GALNT14: variants seen among roughly 807,000 people sequenced by gnomAD.
GALNT14 encodes polypeptide N-acetylgalactosaminyltransferase 14.
A neutral mutation model predicts 77.5 loss-of-function variants in GALNT14; 60 were observed. The observed-to-expected ratio is 0.77, with a 90% CI of 0.63 to 0.96. The LOEUF (loss-of-function observed/expected upper bound fraction) is 0.96. GALNT14 is among the 40% of genes least tolerant of loss of function. GALNT14 has a pLI of 0.00. For missense variants in GALNT14, 710 were observed against 731.0 expected, an observed-to-expected ratio of 0.97 and a Z score of 0.33; for synonymous variants, 280 against 281.7, an observed-to-expected ratio of 0.99 and a Z score of 0.06.
chr2:31,120,910 T>A (rs940737330), intron 1 of GALNT14, among the ~76,000 whole-genome samples: 1 of 152,238 alleles, frequency 6.6e-6, no homozygotes, highest in Non-Finnish European at 1.5e-5. Context: ...ATGAGTATAT[T>A]TCCATGTCCA....
intron 6 of GALNT14, 29 bp from the exon 7 acceptor site, chr2:30,945,899 T>C: frequency 6.3e-7 from 1 of 1,598,252 alleles, no homozygotes; most frequent in Non-Finnish European, 8.6e-7. Context: ...GCACTTAGCT[T>C]ATGGAGAGGA....
chr2:30,990,782 A>G (rs1016810659), intron 2 of GALNT14, among the ~76,000 whole-genome samples: 1 of 152,198 alleles, frequency 6.6e-6, no homozygotes, highest in African/African-American at 2.4e-5. Flanking sequence ...TCTCTGAGTA[A>G]CACAATCCCA....
intron 1 of GALNT14, among the ~76,000 whole-genome samples, chr2:31,061,545 A>G (rs1674591528): frequency 6.6e-6 from 1 of 152,106 alleles, no homozygotes; most frequent in South Asian, 2.1e-4. Context: ...AAATTTCCTA[A>G]AACTGAACAA....
intron 1 of GALNT14, among the ~76,000 whole-genome samples, chr2:31,087,849 C>T (rs1676526827): frequency 6.6e-6 from 1 of 152,196 alleles, no homozygotes. Flanking sequence ...TTTGAAGGTA[C>T]AGCCTCTGGG....
intron 1 of GALNT14, among the ~76,000 whole-genome samples, chr2:31,119,031 C>T (rs1343870831): frequency 1.3e-5 from 2 of 151,878 alleles, no homozygotes; most frequent in African/African-American, 2.4e-5. Context: ...GAAGAAAATA[C>T]AGTTGAATCC....
At chr2:30,922,295 T>C (rs1343912053) in intron 13 of GALNT14, among the ~76,000 whole-genome samples, 1 of 152,168 alleles carries the variant, frequency 6.6e-6, no homozygotes, top group Non-Finnish European at 1.5e-5. Flanking sequence ...TCTCATAGCA[T>C]CCTGTTCCCC....
chr2:30,996,669 C>T (rs1293345577), intron 1 of GALNT14, among the ~76,000 whole-genome samples: 2 of 152,248 alleles, frequency 1.3e-5, no homozygotes, highest in Non-Finnish European at 2.9e-5. Context: ...ACAGTGCCTT[C>T]TGGGAGCACC....
At chr2:31,137,550 G>A (rs1033300167) in intron 1 of GALNT14, among the ~76,000 whole-genome samples, 4 of 152,202 alleles carry the variant, frequency 2.6e-5, no homozygotes, top group Non-Finnish European at 4.4e-5. Flanking sequence ...GCAGCTGCGG[G>A]AAGGAGGTCA....
chr2:30,942,664 A>C (rs1036492547), intron 8 of GALNT14, among the ~76,000 whole-genome samples: 1 of 152,192 alleles, frequency 6.6e-6, no homozygotes, highest in Non-Finnish European at 1.5e-5. Context: ...CAGGCTCTGC[A>C]CAGCAGGGCT....
intron 3 of GALNT14, among the ~76,000 whole-genome samples, chr2:30,964,685 T>C (rs1667890400): frequency 6.6e-6 from 1 of 152,142 alleles, no homozygotes; most frequent in Non-Finnish European, 1.5e-5. Flanking sequence ...GCTGTCCCCT[T>C]GGATGGGTGG....
intron 1 of GALNT14, among the ~76,000 whole-genome samples, chr2:31,113,598 C>CCAA (rs1322945740): frequency 6.6e-6 from 1 of 152,110 alleles, no homozygotes; most frequent in African/African-American, 2.4e-5. Context: ...CTGCAAGGAA[C>CCAA]CAACAGCCTG....
intron 1 of GALNT14, among the ~76,000 whole-genome samples, chr2:31,111,149 C>T (rs377614964): frequency 6.6e-6 from 1 of 152,184 alleles, no homozygotes; most frequent in South Asian, 2.1e-4. Flanking sequence ...GAAGCCCCAG[C>T]AGACTACCCA....
intron 6 of GALNT14, among the ~76,000 whole-genome samples, chr2:30,955,022 T>C (rs1667270286): frequency 6.6e-6 from 1 of 152,216 alleles, no homozygotes; most frequent in Non-Finnish European, 1.5e-5. Context: ...TCAGGGAATA[T>C]AAAATAATAA....
the GALNT14 span, among the ~76,000 whole-genome samples, chr2:30,890,007 G>A: frequency 6.6e-6 from 1 of 152,226 alleles, no homozygotes; most frequent in Non-Finnish European, 1.5e-5. Context: ...AAGCTCTGGG[G>A]AATGAAAAAG....
At chr2:31,116,801 T>C (rs1473561130) in intron 1 of GALNT14, among the ~76,000 whole-genome samples, 2 of 152,138 alleles carry the variant, frequency 1.3e-5, no homozygotes, top group Non-Finnish European at 2.9e-5. Flanking sequence ...TTCCAGCACT[T>C]TGGGAGGCCG....
At chr2:31,050,366 G>A (rs1673764197) in intron 1 of GALNT14, among the ~76,000 whole-genome samples, 1 of 152,204 alleles carries the variant, frequency 6.6e-6, no homozygotes, top group South Asian at 2.1e-4. Context: ...AGAGCCCTGG[G>A]TTAGGCCTCT....
At chr2:30,958,642 T>C (rs1332017884) in intron 3 of GALNT14, among the ~76,000 whole-genome samples, 178 bp from the exon 4 acceptor site, 1 of 152,146 alleles carries the variant, frequency 6.6e-6, no homozygotes, top group African/African-American at 2.4e-5. Flanking sequence ...GCCTTCACCA[T>C]CTTAGTGAAT....
At chr2:31,009,463 C>T (rs1670885805) in intron 1 of GALNT14, among the ~76,000 whole-genome samples, 1 of 152,182 alleles carries the variant, frequency 6.6e-6, no homozygotes, top group South Asian at 2.1e-4. Context: ...CTGGTCCCTC[C>T]TCTCCACTCG....
chr2:31,138,431 A>C lies in GALNT14; in HGVS notation c.-345T>G. On this transcript the variant is annotated 5_prime_UTR_variant, in exon 1 of 15. Coordinates refer to ENST00000349752, the MANE Select transcript of GALNT14 (RefSeq NM_024572.4). ...GCCGCCGCCTTGCCCGCTGCCGCCG[A>C]TAGGGAAACTGACTCGAGCAGCGAG... is the stretch of plus-strand genomic sequence containing the variant. The C allele has an allele frequency of 3.2e-6, 1 of 312,810 alleles. No individual in the cohort carries two copies. 19.4% of individuals were successfully genotyped at this position (312,810 alleles called of 1,614,324 possible). A position where few individuals can be genotyped will look rare whatever the true frequency, so the allele number is the denominator to read the frequency against.
Sources: gnomAD v4.1 joint callset for allele counts (sites outside exome capture counted in the v4.1 genomes callset) on GRCh38, gnomAD v4.1.1 for gene constraint, MANE v1.5 for transcripts, NCBI Gene and HGNC (gene_info 2026-07-23, HGNC 2026-07-21) for gene names.